The following SOX5 variants were observed in gnomAD, a reference collection of about 807,000 sequenced individuals.
The protein encoded by SOX5 is SRY-box transcription factor 5, also known as transcription factor SOX-5.
SOX5 carries 9 observed loss-of-function variants against 92.0 expected under a neutral mutation model. The ratio of observed to expected loss-of-function variants is 0.10; its 90% CI spans 0.06 to 0.17. SOX5 has a LOEUF of 0.17. Ranked by LOEUF, SOX5 falls within the 10% of genes least tolerant of loss-of-function variation. SOX5 has a pLI of 1.00. For synonymous variants in SOX5, 344 were observed against 336.3 expected (o/e 1.02, Z -0.25); for missense variants, 642 against 944.5 (o/e 0.68, Z 4.20).
intron 4 of SOX5, among the ~76,000 whole-genome samples, chr12:24,090,628 A>G (rs1217922984): frequency 6.6e-6 from 1 of 152,216 alleles, no homozygotes; most frequent in Non-Finnish European, 1.5e-5. Context: ...TGGCCAAAAT[A>G]TAGACATATT....
At chr12:23,553,597 C>A (rs534091124) in intron 11 of SOX5, among the ~76,000 whole-genome samples, 1 of 152,134 alleles carries the variant, frequency 6.6e-6, no homozygotes, top group South Asian at 2.1e-4. Flanking sequence ...GGTCAGGCTT[C>A]AGCCAATATC....
intron 4 of SOX5, among the ~76,000 whole-genome samples, chr12:24,010,286 A>G (rs1952764189): frequency 6.6e-6 from 1 of 152,148 alleles, no homozygotes; most frequent in African/African-American, 2.4e-5. Context: ...TTGTTTCCTC[A>G]CATACCCCAA....
intron 1 of SOX5, among the ~76,000 whole-genome samples, chr12:24,427,534 G>C (rs1395427099): frequency 1.3e-5 from 2 of 152,162 alleles, no homozygotes; most frequent in Non-Finnish European, 2.9e-5. Context: ...CTTTTCTTCA[G>C]GATTAATTGA....
chr12:24,047,701 C>A (rs939888959), intron 4 of SOX5, among the ~76,000 whole-genome samples: 1 of 152,206 alleles, frequency 6.6e-6, no homozygotes. Flanking sequence ...CATTCTCTAA[C>A]TAGAAATTAT....
chr12:24,430,358 G>T (rs929921082), intron 1 of SOX5, among the ~76,000 whole-genome samples: 1 of 151,916 alleles, frequency 6.6e-6, no homozygotes, highest in South Asian at 2.1e-4. Context: ...AGACAAGAAG[G>T]CATGTTTTCA....
intron 2 of SOX5, among the ~76,000 whole-genome samples, chr12:23,847,152 CT>C (rs2096584295): frequency 6.6e-6 from 1 of 151,960 alleles, no homozygotes; most frequent in Non-Finnish European, 1.5e-5. Flanking sequence ...AATTTTCTTA[CT>C]TAAAGATTTT....
At chr12:23,958,156 CGTG>C (rs772722576) in intron 4 of SOX5, among the ~76,000 whole-genome samples, 39 of 152,006 alleles carry the variant, frequency 2.6e-4, no homozygotes, top group South Asian at 6.2e-4. Flanking sequence ...CAATACTCTT[CGTG>C]GTACAGAAAC....
intron 6 of SOX5, among the ~76,000 whole-genome samples, chr12:23,734,053 A>G (rs1266413243): frequency 6.6e-6 from 1 of 152,218 alleles, no homozygotes; most frequent in Non-Finnish European, 1.5e-5. Flanking sequence ...AGTTTATGAC[A>G]CTAGCAAGTT....
chr12:23,820,989 T>A (rs1214685984), intron 3 of SOX5, among the ~76,000 whole-genome samples: 1 of 152,106 alleles, frequency 6.6e-6, no homozygotes, highest in Non-Finnish European at 1.5e-5. Context: ...ATGGAAATAG[T>A]ATTGAATCTA....
Position 24,049,638 on chromosome 12 carries a change from G to GTTTTTTTTT in SOX5, c.-1-153623_-1-153615dup, listed in dbSNP as rs527647441. ...TGTTGATATTTTCCAATCCTTCATA[G>GTTTTTTTTT]TTTTTTTTTTTTTTTTTTTTTTTTT... On this transcript the variant is annotated intron_variant, in intron 4 of 4. Transcript: ENST00000446891. Among the ~76,000 whole-genome samples the GTTTTTTTTT allele has an allele frequency of 1.0e-3, 76 of 73,768 alleles. 3 individuals are homozygous for GTTTTTTTTT. The highest frequency in any genetic ancestry group is 3.1e-3 in the South Asian group (5 of 1,638). The allele number at this position is 73,768 out of a possible 152,430, so 48.4% of individuals were successfully genotyped here. A position where few individuals can be genotyped will look rare whatever the true frequency, so the allele number is the denominator to read the frequency against.
At chr12:24,045,269 C>T (rs954386163) in intron 4 of SOX5, among the ~76,000 whole-genome samples, 1 of 152,130 alleles carries the variant, frequency 6.6e-6, no homozygotes, top group Non-Finnish European at 1.5e-5. Context: ...AATAATGCTT[C>T]CCTCATAGGA....
chr12:23,972,088 T>G (rs1183027364), intron 4 of SOX5, among the ~76,000 whole-genome samples: 1 of 152,158 alleles, frequency 6.6e-6, no homozygotes, highest in African/African-American at 2.4e-5. Context: ...AGATTAAAAT[T>G]CTATTGCTTT....
At chr12:23,880,511 A>G (rs1186723269) in intron 2 of SOX5, among the ~76,000 whole-genome samples, 4 of 152,226 alleles carry the variant, frequency 2.6e-5, no homozygotes, top group Non-Finnish European at 5.9e-5. Context: ...CAAGAAGGGA[A>G]TATCTGCATC....
intron 2 of SOX5, among the ~76,000 whole-genome samples, chr12:24,282,264 G>A (rs555222865): frequency 5.5e-4 from 84 of 152,190 alleles, no homozygotes; most frequent in African/African-American, 2.0e-3. Flanking sequence ...GTTAAATGAC[G>A]AGTTAATGGG....
Position 23,534,509 on chromosome 12 carries a change from T to A in SOX5, c.2002A>T (p.Ile668Phe), listed in dbSNP as rs759787462. ...ACAACACCAGCAGTGGCAATGGGGA[T>A]CTGTGCTTGTTGCCTGTCAAGAAAG... Reference protein sequence around the residue: ...QYFNVGQQAQIPIATAGVVYP... With the variant: ...QYFNVGQQAQFPIATAGVVYP... The change falls in exon 15 of 15, where the codon ATC becomes TTC. Residue 668 changes from isoleucine to phenylalanine, a missense_variant. Transcript: ENST00000451604. The A allele has an allele frequency of 6.2e-7, 1 of 1,612,078 alleles. No homozygotes were observed. The highest frequency in any genetic ancestry group is 8.5e-7 in the Non-Finnish European group (1 of 1,179,154).
intron 3 of SOX5, among the ~76,000 whole-genome samples, chr12:24,234,391 G>A (rs543197264): frequency 8.5e-5 from 13 of 152,090 alleles, no homozygotes; most frequent in Non-Finnish European, 1.0e-4. Flanking sequence ...GTTAAAGAGA[G>A]AGGGCTAAAG....
chr12:24,464,491 C>G (rs894926152), intron 1 of SOX5, among the ~76,000 whole-genome samples: 1 of 152,108 alleles, frequency 6.6e-6, no homozygotes, highest in African/African-American at 2.4e-5. Flanking sequence ...CAGGTGCCCA[C>G]CACCACGCCC....
At chr12:24,543,087 T>C (rs1182291404) in intron 1 of SOX5, among the ~76,000 whole-genome samples, 7 of 152,210 alleles carry the variant, frequency 4.6e-5, no homozygotes, top group Non-Finnish European at 7.3e-5. Context: ...GTAAACAGCA[T>C]TTATTTAAGA....
chr12:24,187,106 C>A (rs529366552), intron 4 of SOX5, among the ~76,000 whole-genome samples: 1 of 152,156 alleles, frequency 6.6e-6, no homozygotes, highest in African/African-American at 2.4e-5. Context: ...ACCATGGAAG[C>A]ACAATCAGTC....
Sources: allele counts gnomAD v4.1 joint callset (sites outside exome capture counted in the v4.1 genomes callset), GRCh38; gene constraint gnomAD v4.1.1; transcripts MANE v1.5; gene names NCBI Gene and HGNC (gene_info 2026-07-23, HGNC 2026-07-21).